SLAMF1: variants seen among roughly 807,000 people sequenced by gnomAD.
The protein encoded by SLAMF1 is signaling lymphocytic activation molecule.
SLAMF1 carries 18 observed loss-of-function variants against 35.1 expected under a neutral mutation model. The observed-to-expected ratio is 0.51, with a 90% CI of 0.35 to 0.76. The LOEUF (loss-of-function observed/expected upper bound fraction) is 0.76, where lower values mean the gene tolerates loss of function less well. Ranked by LOEUF, SLAMF1 falls within the 30% of genes least tolerant of loss-of-function variation. SLAMF1 has a pLI of 0.01. For missense variants in SLAMF1, 392 were observed against 413.0 expected (o/e 0.95, Z 0.44); for synonymous variants, 168 against 157.2 (o/e 1.07, Z -0.51).
chr1:160,618,929 C>A (rs1306695001), intron 5 of SLAMF1, among the ~76,000 whole-genome samples: 3 of 152,204 alleles, frequency 2.0e-5, no homozygotes, highest in East Asian at 3.9e-4. Flanking sequence ...GTGTAATAAG[C>A]CCTCCAGGCC....
At chr1:160,620,169 C>G (rs1245482057) in intron 4 of SLAMF1, among the ~76,000 whole-genome samples, 1 of 152,204 alleles carries the variant, frequency 6.6e-6, no homozygotes, top group Non-Finnish European at 1.5e-5. Context: ...AGGTGTTTTT[C>G]TCATTGGTGT....
At chr1:160,631,619 C>T (rs1473154348) in intron 3 of SLAMF1, among the ~76,000 whole-genome samples, 1 of 151,864 alleles carries the variant, frequency 6.6e-6, no homozygotes, top group Non-Finnish European at 1.5e-5. Flanking sequence ...AACTGGTGTC[C>T]TTATAAGAAG....
At chr1:160,631,130 T>A (rs1660143170) in intron 3 of SLAMF1, among the ~76,000 whole-genome samples, 1 of 152,246 alleles carries the variant, frequency 6.6e-6, no homozygotes, top group Admixed American at 6.5e-5. Context: ...AGTGTAAATG[T>A]TTTGTCAAAC....
rs1272099864 is a variant in SLAMF1 at position 160,608,778 on chromosome 1, C to T, written c.*1970G>A. On this transcript the variant is annotated 3_prime_UTR_variant, in exon 7 of 7. Coordinates refer to ENST00000302035, the MANE Select transcript of SLAMF1 (RefSeq NM_003037.5). ...GGTTTACAAATCTTCATTAGTAGCT[C>T]CACAGTTTTGAGAGTAGACAGTGAA... is the stretch of plus-strand genomic sequence containing the variant. 1 of 152,172 alleles carries T rather than the reference C, an allele frequency of 6.6e-6. No individual in the cohort carries two copies. The highest frequency in any genetic ancestry group is 2.4e-5 in the African/African-American group (1 of 41,436). The allele number at this position is 152,172 out of a possible 1,614,324, so 9.4% of individuals were successfully genotyped here.
rs894525779 is a variant in SLAMF1, at chr1:160,643,044, C to G, written c.76+3826G>C. ...CACAGTAAATAGTAAATGCTTTGGC[C>G]CCCCACTTCCCCCTAGGATGATGTG... On this transcript the variant is annotated intron_variant, in intron 1 of 6. Transcript: ENST00000302035. Among the ~76,000 whole-genome samples, 4 of 20,902 alleles carry G rather than the reference C, an allele frequency of 1.9e-4. No individual in the cohort carries two copies. In the South Asian group the frequency reaches 0.11, roughly 550 times the overall value. 13.7% of individuals were successfully genotyped at this position (20,902 alleles called of 152,430 possible).
chr1:160,633,469 G>C (rs1660267298), intron 3 of SLAMF1, among the ~76,000 whole-genome samples: 1 of 152,164 alleles, frequency 6.6e-6, no homozygotes, highest in Admixed American at 6.5e-5. Flanking sequence ...GGCATTACTT[G>C]GCTGAGTTCC....
At chr1:160,614,014 A>C (rs1371581473) in intron 5 of SLAMF1, among the ~76,000 whole-genome samples, 1 of 152,190 alleles carries the variant, frequency 6.6e-6, no homozygotes, top group African/African-American at 2.4e-5. Context: ...TCTATTTCGG[A>C]AGATCTGGAG....
At position 160,624,150 on chromosome 1, in the gene SLAMF1, C is replaced by T; in HGVS notation, c.736G>A (p.Gly246Arg). 1 of 1,611,580 alleles carries T rather than the reference C, an allele frequency of 6.2e-7. No homozygotes were observed. Among genetic ancestry groups the T allele is most frequent in the Non-Finnish European group, 8.5e-7 (1 of 1,179,070 alleles). ...ATGATGAGAATCATGATGACACCCC[C>T]TAACAGCCCAGCATACACTGCCCAT... The part of the protein sequence containing the change: ...KPWAVYAGLL[G>R]GVIMILIMVV... Residue 246 changes from glycine (G) to arginine (R), a missense_variant, in exon 4 of 7, where the codon GGG (glycine) becomes AGG (arginine). Physicochemically the swap from Gly to Arg is moderately radical, Grantham distance 125. Coordinates refer to ENST00000302035, the MANE Select transcript of SLAMF1 (RefSeq NM_003037.5).
At chr1:160,646,371 A>G (rs1193798853) in intron 1 of SLAMF1, among the ~76,000 whole-genome samples, 4 of 152,122 alleles carry the variant, frequency 2.6e-5, no homozygotes, top group Non-Finnish European at 5.9e-5. Context: ...TGGAGTTTTC[A>G]CTTCTACTCT....
chr1:160,634,091 G>A (rs1194999992), intron 3 of SLAMF1, among the ~76,000 whole-genome samples: 4 of 152,186 alleles, frequency 2.6e-5, no homozygotes, highest in African/African-American at 9.7e-5. Context: ...TCCATAAAAC[G>A]AGGACCTTCA....
intron 3 of SLAMF1, among the ~76,000 whole-genome samples, chr1:160,626,947 G>A (rs974503243): frequency 1.3e-5 from 2 of 152,088 alleles, no homozygotes; most frequent in Admixed American, 6.6e-5. Flanking sequence ...CACCTTTCCT[G>A]ACCATCCCAG....
At position 160,646,859 on chromosome 1, in the gene SLAMF1, T is replaced by C. The variant is rs1661064141; in HGVS notation, c.76+11A>G. On this transcript the variant is annotated intron_variant, in intron 1 of 6. Coordinates refer to ENST00000302035, the MANE Select transcript of SLAMF1 (RefSeq NM_003037.5). ...CATGGGACTCAAACCATCAGGCAGA[T>C]GAACACTCACCTGTTCCGTAGCTTG... 4 of 1,529,246 alleles carry C rather than the reference T, an allele frequency of 2.6e-6. No homozygotes were observed. Among genetic ancestry groups the C allele is most frequent in the Non-Finnish European group, 3.6e-6 (4 of 1,103,222 alleles). 94.7% of individuals were successfully genotyped at this position (1,529,246 alleles called of 1,614,324 possible). A position where few individuals can be genotyped will look rare whatever the true frequency, so the allele number is the denominator to read the frequency against.
chr1:160,630,462 C>T (rs965568090), intron 3 of SLAMF1, among the ~76,000 whole-genome samples: 1 of 152,194 alleles, frequency 6.6e-6, no homozygotes, highest in African/African-American at 2.4e-5. Context: ...CCATTAACCG[C>T]TGTGAGGTTT....
In SLAMF1 at chr1:160,610,198, T is replaced by G. The variant is rs1300995427; in HGVS notation, c.*550A>C. The G allele has an allele frequency of 4.7e-6, 2 of 426,552 alleles. No homozygotes were observed. Among genetic ancestry groups the G allele is most frequent in the Admixed American group, 5.7e-5 (2 of 35,388 alleles). The allele number at this position is 426,552 out of a possible 1,614,324, so 26.4% of individuals were successfully genotyped here. Reference sequence around the variant, plus strand: ...CTTTATACAATAATATCAGAGTGTTTTATGTATAATAAGAAATTCACCCTT... The same window carrying G: ...CTTTATACAATAATATCAGAGTGTTGTATGTATAATAAGAAATTCACCCTT... On this transcript the variant is annotated 3_prime_UTR_variant, in exon 7 of 7. Coordinates refer to ENST00000302035, the MANE Select transcript of SLAMF1 (RefSeq NM_003037.5).
intron 1 of SLAMF1, among the ~76,000 whole-genome samples, chr1:160,645,791 G>T (rs540755210): frequency 6.6e-6 from 1 of 152,122 alleles, no homozygotes; most frequent in Non-Finnish European, 1.5e-5. Context: ...AGCCCTGTTC[G>T]TCTGGCTGTC....
At chr1:160,611,252 G>A (rs774734921) in intron 6 of SLAMF1, among the ~76,000 whole-genome samples, 1 of 152,154 alleles carries the variant, frequency 6.6e-6, no homozygotes, top group Non-Finnish European at 1.5e-5. Context: ...AGGGTTATGC[G>A]CAAAGATCTC....
At chr1:160,636,584 T>C (rs1426690024) in intron 2 of SLAMF1, among the ~76,000 whole-genome samples, 2 of 152,362 alleles carry the variant, frequency 1.3e-5, no homozygotes, top group East Asian at 3.9e-4. Flanking sequence ...GTTCCTAGTT[T>C]AAGTACAGCA....
intron 5 of SLAMF1, among the ~76,000 whole-genome samples, chr1:160,615,053 T>A (rs1382347671): frequency 2.6e-5 from 4 of 152,172 alleles, no homozygotes; most frequent in Non-Finnish European, 5.9e-5. Flanking sequence ...GTGATTTTCA[T>A]GTTATTATAT....
chr1:160,610,850 A>G (rs1194025623), intron 6 of SLAMF1, 52 bp from the exon 7 acceptor site: 2 of 1,338,818 alleles, frequency 1.5e-6, no homozygotes, highest in Non-Finnish European at 2.2e-6. Flanking sequence ...CTCACTTCAC[A>G]GAATGCAAAT....
Sources: gnomAD v4.1 joint callset for allele counts (sites outside exome capture counted in the v4.1 genomes callset) on GRCh38, gnomAD v4.1.1 for gene constraint, MANE v1.5 for transcripts, NCBI Gene and HGNC (gene_info 2026-07-23, HGNC 2026-07-21) for gene names.